CNGA1: variants seen among roughly 807,000 people sequenced by gnomAD.
CNGA1 encodes cyclic nucleotide gated channel subunit alpha 1, also known as cyclic nucleotide-gated channel alpha-1.
In CNGA1, 53 loss-of-function variants were observed where a neutral mutation model predicts 69.7. The ratio of observed to expected loss-of-function variants is 0.76; its 90% confidence interval spans 0.61 to 0.96. The LOEUF (loss-of-function observed/expected upper bound fraction) is 0.96, where lower values mean the gene tolerates loss of function less well. CNGA1 is among the 40% of genes least tolerant of loss of function. CNGA1 has a pLI of 0.00. For missense variants in CNGA1, 739 were observed against 811.2 expected (o/e 0.91, Z 1.08); for synonymous variants, 249 against 283.5 (o/e 0.88, Z 1.22).
intron 2 of CNGA1, among the ~76,000 whole-genome samples, chr4:48,007,448 A>G (rs557467218): frequency 3.3e-5 from 5 of 152,270 alleles, no homozygotes; most frequent in African/African-American, 1.2e-4. Context: ...GAATGGCTTT[A>G]ACTTCTGACC....
chr4:48,000,093 T>C (rs1184297369), intron 2 of CNGA1, among the ~76,000 whole-genome samples: 1 of 152,124 alleles, frequency 6.6e-6, no homozygotes, highest in Non-Finnish European at 1.5e-5. Flanking sequence ...TCAGTGAATG[T>C]GAAGACATAG....
At chr4:47,976,311 A>T (rs1187504113) in intron 3 of CNGA1, among the ~76,000 whole-genome samples, 5 of 35,880 alleles carry the variant, frequency 1.4e-4, no homozygotes, top group Non-Finnish European at 1.8e-4. Context: ...ACATATATAT[A>T]TACATATATA....
chr4:47,936,632 T>G lies in CNGA1; in HGVS notation c.1850A>C (p.Lys617Thr), dbSNP rs1738658953. 1 of 1,614,168 alleles carries G rather than the reference T, an allele frequency of 6.2e-7. No homozygotes were observed. ...TCGAGTAACCTTCTCTTCAAGATCT[T>G]TAGGATCACTGCCAGCATTTGCAAT... ...LNIANAGSDP[K>T]DLEEKVTRME... The change falls in exon 11 of 11, where the codon AAA becomes ACA. Residue 617 changes from lysine to threonine, a missense_variant. Transcript: ENST00000514170.
At position 47,947,681 on chromosome 4, in the gene CNGA1, GA is replaced by G. The variant is rs556323992; in HGVS notation, c.287+2151del. ...TGAGTACCTGTCTCAAAAAAGAAAA[GA>G]AAAAAAAAGGGAAAAAGAAATAGCC... is the stretch of plus-strand genomic sequence containing the variant. On this transcript the variant is annotated intron_variant, in intron 6 of 10. Coordinates refer to ENST00000514170, the MANE Select transcript of CNGA1 (RefSeq NM_001379270.1). Among the ~76,000 whole-genome samples the G allele has an allele frequency of 1.0e-4, 15 of 148,554 alleles. No homozygotes were observed. In the South Asian group the frequency reaches 1.7e-3, roughly 17 times the overall value.
chr4:47,941,261 C>A (rs929916942), intron 9 of CNGA1, among the ~76,000 whole-genome samples: 1 of 152,112 alleles, frequency 6.6e-6, no homozygotes, highest in African/African-American at 2.4e-5. Context: ...ACACTATATG[C>A]ATTATATACA....
intron 3 of CNGA1, among the ~76,000 whole-genome samples, chr4:47,979,691 T>A (rs1204929933): frequency 6.6e-6 from 1 of 152,260 alleles, no homozygotes; most frequent in African/African-American, 2.4e-5. Context: ...AGACACTTTT[T>A]AAAATTTTGC....
chr4:47,962,037 A>ATT (rs1361661604), intron 3 of CNGA1, among the ~76,000 whole-genome samples: 2 of 152,158 alleles, frequency 1.3e-5, no homozygotes, highest in Admixed American at 6.5e-5. Context: ...AAGATATCTG[A>ATT]TTACAGATTT....
intron 3 of CNGA1, among the ~76,000 whole-genome samples, chr4:47,960,562 T>C (rs530691175): frequency 6.6e-6 from 1 of 152,288 alleles, no homozygotes; most frequent in South Asian, 2.1e-4. Flanking sequence ...AGAATTCCAA[T>C]CTTTTGCTTA....
At chr4:47,978,744 C>T (rs532243943) in intron 3 of CNGA1, among the ~76,000 whole-genome samples, 2 of 152,212 alleles carry the variant, frequency 1.3e-5, no homozygotes, top group East Asian at 3.9e-4. Context: ...CTATCAGGCA[C>T]TCCTTGACTT....
intron 3 of CNGA1, among the ~76,000 whole-genome samples, chr4:47,966,672 A>G (rs961599244): frequency 3.9e-5 from 6 of 152,236 alleles, no homozygotes; most frequent in Admixed American, 2.6e-4. Context: ...AAAGGCTTCA[A>G]GGTTGCTGTT....
intron 6 of CNGA1, among the ~76,000 whole-genome samples, chr4:47,947,334 A>G (rs1217963879): frequency 1.3e-5 from 2 of 152,120 alleles, no homozygotes; most frequent in African/African-American, 2.4e-5. Context: ...AATTTCCCCA[A>G]TGGCACAGCT....
chr4:47,971,042 C>G (rs772505138), intron 3 of CNGA1: 1 of 454,184 alleles, frequency 2.2e-6, no homozygotes, highest in South Asian at 1.6e-5. Flanking sequence ...GAGGTGAAGA[C>G]TGCAGTGAGC....
chr4:47,937,823 AG>A lies in CNGA1; in HGVS notation c.658del (p.Leu220Ter). ...DMFVRTRTGY[L>X]EQGLLVKEEL... ...TTCCTTTACCAGCAGTCCTTGTTCT[AG>A]GTAACCTAAAATAGAAAATAAAATC... On this transcript the variant is annotated frameshift_variant, in exon 11 of 11. Transcript: ENST00000514170. LOFTEE classifies it high-confidence loss of function. 1.2e-6 allele frequency: 2 copies of A among 1,605,714 alleles called. No individual in the cohort carries two copies. Among genetic ancestry groups the A allele is most frequent in the Middle Eastern group, 1.7e-4 (1 of 5,930 alleles).
intron 3 of CNGA1, among the ~76,000 whole-genome samples, chr4:47,979,348 C>T (rs112767161): frequency 6.3e-4 from 95 of 149,914 alleles, no homozygotes; most frequent in African/African-American, 2.3e-3. Context: ...AAAATCTTGG[C>T]ACAAGGGTTG....
At chr4:47,979,228 G>A (rs147013403) in intron 3 of CNGA1, among the ~76,000 whole-genome samples, 1,822 of 151,854 alleles carry the variant, frequency 0.012, 17 homozygotes, top group Non-Finnish European at 0.021. Context: ...AGCTGAGGCG[G>A]GAGGATCGCT....
chr4:48,011,108 T>C (rs565810546), intron 1 of CNGA1, among the ~76,000 whole-genome samples: 1 of 152,254 alleles, frequency 6.6e-6, no homozygotes, highest in South Asian at 2.1e-4. Flanking sequence ...TAATTAGCAT[T>C]TTAGTGAGCT....
intron 2 of CNGA1, among the ~76,000 whole-genome samples, chr4:47,992,657 A>ATTAT (rs144346141): frequency 0.19 from 27,716 of 145,126 alleles, 2,788 homozygotes; most frequent in East Asian, 0.24. Flanking sequence ...GATGCCATTT[A>ATTAT]TTATTTATTT....
chr4:48,003,219 A>T (rs1365076724), intron 2 of CNGA1, among the ~76,000 whole-genome samples: 1 of 152,150 alleles, frequency 6.6e-6, no homozygotes, highest in Non-Finnish European at 1.5e-5. Context: ...GGAAGATTGG[A>T]AGCAGGGAGG....
chr4:48,013,396 T>A (rs1482425276), intron 1 of CNGA1, among the ~76,000 whole-genome samples: 1 of 152,202 alleles, frequency 6.6e-6, no homozygotes, highest in Non-Finnish European at 1.5e-5. Flanking sequence ...AGAGCACAGT[T>A]GGGTTTTATA....
Sources: gnomAD v4.1 joint callset for allele counts (sites outside exome capture counted in the v4.1 genomes callset) on GRCh38, gnomAD v4.1.1 for gene constraint, MANE v1.5 for transcripts, NCBI Gene and HGNC (gene_info 2026-07-23, HGNC 2026-07-21) for gene names.